The following PLD1 variants were observed in gnomAD, a reference collection of about 807,000 sequenced individuals.
The protein encoded by PLD1 is phospholipase D1, also known as choline phosphatase 1.
Under a neutral mutation model 137.1 loss-of-function variants are expected in PLD1, and 112 were observed. The observed-to-expected ratio is 0.82, with a 90% CI of 0.70 to 0.96. The LOEUF (loss-of-function observed/expected upper bound fraction) is 0.96, where lower values mean the gene tolerates loss of function less well. Among genes scored for constraint, PLD1 ranks in the 40% least tolerant of loss-of-function variants. The probability of loss-of-function intolerance (pLI) is 0.00; values close to 1 mark genes in which losing one functional copy is unlikely to be tolerated. For missense variants in PLD1, 1,321 were observed against 1,342.0 expected, an observed-to-expected ratio of 0.98 and a Z score of 0.24; for synonymous variants, 431 against 454.7, an observed-to-expected ratio of 0.95 and a Z score of 0.66.
At chr3:171,768,109 G>A (rs1353820428) in intron 1 of PLD1, among the ~76,000 whole-genome samples, 2 of 151,904 alleles carry the variant, frequency 1.3e-5, no homozygotes, top group Non-Finnish European at 2.9e-5. Flanking sequence ...AGAAATGCTG[G>A]GTCAAACTTA....
chr3:171,664,647 CG>C (rs1385446932), intron 19 of PLD1, among the ~76,000 whole-genome samples: 1 of 151,716 alleles, frequency 6.6e-6, no homozygotes, highest in Non-Finnish European at 1.5e-5. Flanking sequence ...TTAGTAGAGA[CG>C]GGGTTTTGCC....
intron 8 of PLD1, among the ~76,000 whole-genome samples, chr3:171,717,496 G>C (rs993931878): frequency 6.6e-6 from 1 of 152,126 alleles, no homozygotes; most frequent in Non-Finnish European, 1.5e-5. Flanking sequence ...TCCCTGATTT[G>C]ACTGGAAAGC....
In PLD1 at chr3:171,699,746, GC is replaced by G; in HGVS notation, c.1225del (p.Ala409HisfsTer5). The stretch of plus-strand genomic sequence containing the variant: ...AGCATTTTCTGGGAAAGTACATACT[GC>G]TTTTCGTTTAAGAATGCAGTCCAAC... ...WRLDCILKRKAQQGVRIFIML... is the reference protein window; with the variant it reads ...WRLDCILKRKXQQGVRIFIML... On this transcript the variant is annotated frameshift_variant and splice_region_variant, in exon 12 of 27. Transcript: ENST00000351298. LOFTEE classifies it high-confidence loss of function. The G allele has an allele frequency of 6.2e-7, 1 of 1,608,282 alleles. No homozygotes were observed. The highest frequency in any genetic ancestry group is 8.5e-7 in the Non-Finnish European group (1 of 1,174,816).
At chr3:171,662,954 A>T (rs1239703990) in intron 19 of PLD1, among the ~76,000 whole-genome samples, 1 of 152,232 alleles carries the variant, frequency 6.6e-6, no homozygotes, top group Non-Finnish European at 1.5e-5. Context: ...AAGTTTTTCT[A>T]CTATGCCACA....
At chr3:171,758,261 G>T (rs146182733) in intron 1 of PLD1, among the ~76,000 whole-genome samples, 1 of 152,202 alleles carries the variant, frequency 6.6e-6, no homozygotes, top group Non-Finnish European at 1.5e-5. Flanking sequence ...GATTGGTCAT[G>T]TGCTCACGTG....
rs1723849053 is a variant in PLD1, at chr3:171,806,359, A to T, written c.-32+4040T>A. 3.3e-5 allele frequency among the ~76,000 whole-genome samples: 5 copies of T among 152,356 alleles called. 1 individual carries two copies. In the South Asian group the frequency reaches 8.3e-4, roughly 25 times the overall value. ...TTACACTGCACTGTGAATTTAGGGA[A>T]ACTAACACACTGGAATGTGTTCCCA... is the stretch of plus-strand genomic sequence containing the variant. On this transcript the variant is annotated intron_variant, in intron 1 of 26. Coordinates refer to ENST00000351298, the MANE Select transcript of PLD1 (RefSeq NM_002662.5).
intron 1 of PLD1, among the ~76,000 whole-genome samples, chr3:171,776,351 T>A (rs1262321573): frequency 1.3e-5 from 2 of 152,214 alleles, no homozygotes; most frequent in Admixed American, 6.5e-5. Context: ...ACCCAAATGA[T>A]GAGTTGCACT....
chr3:171,779,484 T>G (rs187547816), intron 1 of PLD1, among the ~76,000 whole-genome samples: 1 of 152,338 alleles, frequency 6.6e-6, no homozygotes, highest in East Asian at 1.9e-4. Context: ...AGTAAGTTTT[T>G]GGGGCAAATC....
At chr3:171,631,435 AAGAAAG>A (rs1385498476) in intron 23 of PLD1, among the ~76,000 whole-genome samples, 5 of 146,658 alleles carry the variant, frequency 3.4e-5, no homozygotes, top group African/African-American at 1.2e-4. Context: ...TCCACATGAC[AAGAAAG>A]AGAGAGAATA....
chr3:171,714,346 G>A (rs1371889918), intron 8 of PLD1, among the ~76,000 whole-genome samples: 2 of 152,178 alleles, frequency 1.3e-5, no homozygotes, highest in Admixed American at 1.3e-4. Flanking sequence ...AGCACTCACA[G>A]GATGTACGAC....
chr3:171,636,798 G>A (rs773924389), intron 23 of PLD1, among the ~76,000 whole-genome samples: 1 of 151,968 alleles, frequency 6.6e-6, no homozygotes, highest in Non-Finnish European at 1.5e-5. Context: ...CCTCCAGTAC[G>A]ATGTTGACAA....
intron 23 of PLD1, among the ~76,000 whole-genome samples, chr3:171,636,913 A>G (rs1735179949): frequency 6.6e-6 from 1 of 152,210 alleles, no homozygotes. Context: ...CATACCATTT[A>G]CATGGCTGAG....
chr3:171,758,108 G>A (rs995170702), intron 1 of PLD1, among the ~76,000 whole-genome samples: 11 of 152,156 alleles, frequency 7.2e-5, no homozygotes, highest in African/African-American at 2.2e-4. Flanking sequence ...TTCAATAAAT[G>A]CTTCCTGGAT....
Position 171,790,839 on chromosome 3 carries a change from G to A in PLD1, c.-32+19560C>T, listed in dbSNP as rs547692129. On this transcript the variant is annotated intron_variant, in intron 1 of 26. Transcript: ENST00000351298. The stretch of plus-strand genomic sequence containing the variant: ...GACTACTTCTGGACTGTTTATACAT[G>A]AGAAATAAAGCCACTACCTGGGGGC... Among the ~76,000 whole-genome samples the A allele has an allele frequency of 2.6e-5, 4 of 152,334 alleles. No homozygotes were observed. The South Asian group carries it at 6.2e-4, about 24-fold the overall frequency.
intron 1 of PLD1, among the ~76,000 whole-genome samples, chr3:171,797,423 G>A (rs1021188843): frequency 6.6e-6 from 1 of 152,056 alleles, no homozygotes; most frequent in African/African-American, 2.4e-5. Context: ...GCATTATCTC[G>A]GAGCTTGTTA....
chr3:171,761,239 G>A (rs539469463), intron 1 of PLD1, among the ~76,000 whole-genome samples: 5 of 152,124 alleles, frequency 3.3e-5, no homozygotes, highest in Non-Finnish European at 7.4e-5. Flanking sequence ...GGCAAAGAAG[G>A]GTCTGGATAT....
chr3:171,649,086 T>C (rs1736505933), intron 21 of PLD1, among the ~76,000 whole-genome samples: 1 of 152,230 alleles, frequency 6.6e-6, no homozygotes, highest in African/African-American at 2.4e-5. Context: ...GTGATGATGT[T>C]TGTAAGAGAC....
chr3:171,697,844 T>A (rs1715894929), intron 12 of PLD1, among the ~76,000 whole-genome samples: 1 of 152,230 alleles, frequency 6.6e-6, no homozygotes, highest in African/African-American at 2.4e-5. Context: ...CAACTGACAC[T>A]TCTGCAGATT....
intron 24 of PLD1, 31 bp downstream of exon 24, chr3:171,620,355 A>T (rs914946757): frequency 1.4e-6 from 2 of 1,481,272 alleles, no homozygotes; most frequent in African/African-American, 1.4e-5. Context: ...ACTGGCAAGG[A>T]ATACAATTAT....
Sources: allele counts gnomAD v4.1 joint callset (sites outside exome capture counted in the v4.1 genomes callset), GRCh38; gene constraint gnomAD v4.1.1; transcripts MANE v1.5; gene names NCBI Gene and HGNC (gene_info 2026-07-23, HGNC 2026-07-21).